CUL9: variants seen among roughly 807,000 people sequenced by gnomAD.
The protein encoded by CUL9 is cullin 9.
Under a neutral mutation model 272.6 loss-of-function variants are expected in CUL9, and 79 were observed. The observed-to-expected ratio is 0.29, with a 90% CI of 0.24 to 0.35. The LOEUF is 0.35. Ranked by LOEUF, CUL9 falls within the 10% of genes least tolerant of loss-of-function variation. CUL9 has a pLI of 1.00. For synonymous variants in CUL9, 1,186 were observed against 1,286.5 expected, an observed-to-expected ratio of 0.92 and a Z score of 1.67; for missense variants, 2,532 against 3,255.6, an observed-to-expected ratio of 0.78 and a Z score of 5.41.
In CUL9 at chr6:43,223,133, C is replaced by T. The variant is rs1355032653; in HGVS notation, c.7151-131C>T. The T allele has an allele frequency of 4.6e-6, 6 of 1,317,696 alleles. No individual in the cohort carries two copies. The African/African-American group carries it at 8.9e-5, about 20-fold the overall frequency. 81.6% of individuals were successfully genotyped at this position (1,317,696 alleles called of 1,614,324 possible). ...CTTGGTTTCTGGTCTTTACCCTGCT[C>T]CCCTAGGGAGCTTCATGAGAATGTC... is the stretch of plus-strand genomic sequence containing the variant. On this transcript the variant is annotated intron_variant, in intron 38 of 40. Transcript: ENST00000252050. This position sits in a 1 kb window ranked among gnomAD's most constrained non-coding sequence, Gnocchi z 4.1.
Position 43,221,221 on chromosome 6 carries a change from G to A in CUL9, c.6652G>A (p.Gly2218Ser), listed in dbSNP as rs753534704. The A allele has an allele frequency of 5.0e-6, 8 of 1,611,624 alleles. No homozygotes were observed. The highest frequency in any genetic ancestry group is 2.2e-5 in the South Asian group (2 of 91,074). ...GGTCGACGACGGTGGCTACTATGAC[G>A]GCATGAGCGTGGAGGCGCAGAGCAA... is the stretch of plus-strand genomic sequence containing the variant. The part of the protein sequence containing the change: ...QWVDDGGYYD[G>S]MSVEAQSKHL... The change falls in exon 34 of 41, where the codon GGC (glycine) becomes AGC (serine). Residue 2218 changes from glycine (G) to serine (S), a missense_variant. Around this residue, in one of 3 missense-constraint regions of CUL9, gnomAD observed 77 missense variants for 161.1 expected, o/e 0.48. Coordinates refer to ENST00000252050, the MANE Select transcript of CUL9 (RefSeq NM_015089.4). This position sits in a 1 kb window ranked among gnomAD's most constrained non-coding sequence, Gnocchi z 4.2.
rs1477394897 is a variant in CUL9, at chr6:43,200,355, T to C, written c.3385-81T>C. 9 of 1,610,286 alleles carry C rather than the reference T, an allele frequency of 5.6e-6. No homozygotes were observed. The highest frequency in any genetic ancestry group is 5.9e-6 in the Non-Finnish European group (7 of 1,176,892). ...TTGAGTATACCGTTGACCCTTGACT[T>C]TTTCTCTCTACCTGTTTCTGGGCAT... On this transcript the variant is annotated intron_variant, in intron 14 of 40. Coordinates refer to ENST00000252050, the MANE Select transcript of CUL9 (RefSeq NM_015089.4). This position sits in a 1 kb window ranked among gnomAD's most constrained non-coding sequence, Gnocchi z 4.0.
chr6:43,200,348 C>G lies in CUL9; in HGVS notation c.3385-88C>G, dbSNP rs1410060191. 7 of 1,606,576 alleles carry G rather than the reference C, an allele frequency of 4.4e-6. No homozygotes were observed. Among genetic ancestry groups the G allele is most frequent in the African/African-American group, 1.3e-5 (1 of 74,744 alleles). ...AGAGGAGTTGAGTATACCGTTGACC[C>G]TTGACTTTTTCTCTCTACCTGTTTC... On this transcript the variant is annotated intron_variant, in intron 14 of 40. Transcript: ENST00000252050. The surrounding 1 kb of genome is among the most constrained non-coding windows in gnomAD (Gnocchi z 4.0).
At chr6:43,188,479 G>A (rs1443032957) in intron 7 of CUL9, 44 bp from the exon 8 acceptor site, 2 of 1,527,610 alleles carry the variant, frequency 1.3e-6, no homozygotes, top group African/African-American at 1.4e-5. Context: ...TAACTTCAAG[G>A]TGCCACAGTT....
At position 43,204,781 on chromosome 6, in the gene CUL9, C is replaced by G; in HGVS notation, c.4373C>G (p.Pro1458Arg). The change falls in exon 22 of 41, where the codon CCG (proline) becomes CGG (arginine). Residue 1458 changes from proline (P) to arginine (R), a missense_variant. Physicochemically the swap from Pro to Arg is moderately radical, Grantham distance 103. Around this residue, in one of 3 missense-constraint regions of CUL9, gnomAD observed 2,218 missense variants for 2,788.6 expected, o/e 0.80. Coordinates refer to ENST00000252050, the MANE Select transcript of CUL9 (RefSeq NM_015089.4). ...SKNSKGRDRS[P>R]APSPVLPSSS... The stretch of plus-strand genomic sequence containing the variant: ...AACAGCAAGGGTCGGGACCGGAGCC[C>G]GGCGCCTTCGCCAGTGCTTCCAAGC... 1 of 1,614,222 alleles carries G rather than the reference C, an allele frequency of 6.2e-7. No individual in the cohort carries two copies. Among genetic ancestry groups the G allele is most frequent in the Non-Finnish European group, 8.5e-7 (1 of 1,180,036 alleles).
In CUL9 at chr6:43,220,351, T is replaced by G; in HGVS notation, c.6283-108T>G. The G allele has an allele frequency of 2.4e-6, 3 of 1,269,152 alleles. No homozygotes were observed. Among genetic ancestry groups the G allele is most frequent in the Non-Finnish European group, 3.3e-6 (3 of 896,308 alleles). The allele number at this position is 1,269,152 out of a possible 1,614,324, so 78.6% of individuals were successfully genotyped here. A position where few individuals can be genotyped will look rare whatever the true frequency, so the allele number is the denominator to read the frequency against. On this transcript the variant is annotated intron_variant, in intron 31 of 40. Transcript: ENST00000252050. This position sits in a 1 kb window ranked among gnomAD's most constrained non-coding sequence, Gnocchi z 4.9. ...GCAGGCTTGTTTCTGGCCTTCCACG[T>G]TGTAGTGGAGGGGAAGGGAAGGAGG...
rs773493403 is a variant in CUL9 at position 43,186,207 on chromosome 6, C to A, written c.1003C>A (p.Arg335=). The change falls in exon 4 of 41, where the codon CGG becomes AGG. Residue 335 remains arginine, a synonymous_variant. Coordinates refer to ENST00000252050, the MANE Select transcript of CUL9 (RefSeq NM_015089.4). ...EQGMSPPRPT[R]SIFQPYISGP... ...GGGCATGTCACCTCCCCGGCCAACCCGGTCCATCTTTCAGCCCTACATTTC... is the reference window on the plus strand; with the variant it reads ...GGGCATGTCACCTCCCCGGCCAACCAGGTCCATCTTTCAGCCCTACATTTC... The A allele has an allele frequency of 2.5e-6, 4 of 1,614,246 alleles. No homozygotes were observed. In the Admixed American group the frequency reaches 6.7e-5, roughly 27 times the overall value.
In CUL9 at chr6:43,184,072, C is replaced by T. The variant is rs919529780; in HGVS notation, c.-9-230C>T. Among the ~76,000 whole-genome samples the T allele has an allele frequency of 6.6e-6, 1 of 152,062 alleles. No homozygotes were observed. Among genetic ancestry groups the T allele is most frequent in the African/African-American group, 2.4e-5 (1 of 41,398 alleles). On this transcript the variant is annotated intron_variant, in intron 1 of 40. Coordinates refer to ENST00000252050, the MANE Select transcript of CUL9 (RefSeq NM_015089.4). This position sits in a 1 kb window ranked among gnomAD's most constrained non-coding sequence, Gnocchi z 4.8. ...AGCCAACTCTTCCATTTCTTAAACC[C>T]CTTCTTCATCCCCTCTCTGTCTTCA...
intron 6 of CUL9, 39 bp downstream of exon 6, chr6:43,187,478 G>T (rs1773034519): frequency 2.5e-6 from 4 of 1,590,982 alleles, no homozygotes; most frequent in African/African-American, 1.3e-5. Context: ...TTTCTAGTAG[G>T]GTTAGAGGTG....
rs1772886068 is a variant in CUL9, at chr6:43,186,099, G to A, written c.895G>A (p.Glu299Lys). The A allele has an allele frequency of 1.2e-6, 2 of 1,614,134 alleles. No homozygotes were observed. The highest frequency in any genetic ancestry group is 3.3e-5 in the Admixed American group (2 of 60,014). Residue 299 changes from glutamate to lysine, a missense_variant, in exon 4 of 41, where the codon GAA (glutamate) becomes AAA (lysine). Glu to Lys is a moderately conservative substitution (Grantham distance 56). Coordinates refer to ENST00000252050, the MANE Select transcript of CUL9 (RefSeq NM_015089.4). ...ATREKSRGQR[E>K]LEFSMAVGNL... Reference sequence around the variant, plus strand: ...AAGAGAGAAAAGCCGGGGACAGCGGGAACTGGAGTTCAGCATGGCTGTGGG... The same window carrying A: ...AAGAGAGAAAAGCCGGGGACAGCGGAAACTGGAGTTCAGCATGGCTGTGGG...
At chr6:43,197,579 G>A (rs1234762543) in intron 11 of CUL9, among the ~76,000 whole-genome samples, 1 of 151,744 alleles carries the variant, frequency 6.6e-6, no homozygotes, top group African/African-American at 2.4e-5. Context: ...CGCCTCCCGG[G>A]TTCAAGGAAT....
At chr6:43,211,391 C>T (rs998227464) in intron 26 of CUL9, among the ~76,000 whole-genome samples, 1 of 152,084 alleles carries the variant, frequency 6.6e-6, no homozygotes, top group Non-Finnish European at 1.5e-5. Context: ...AACCCTGTCT[C>T]TACTCAAAAT....
At position 43,202,736 on chromosome 6, in the gene CUL9, C is replaced by T; in HGVS notation, c.3668C>T (p.Ala1223Val). ...CCCAGGCAGCTCACTTTGCTGGTGG[C>T]CAGTGAGGACTCAAGCTACATGCCA... The part of the protein sequence containing the change: ...VLVRQLTLLV[A>V]SEDSSYMPAR... The change falls in exon 17 of 41, where the codon GCC becomes GTC. Residue 1223 changes from alanine (A) to valine (V), a missense_variant. Ala to Val is a moderately conservative substitution (Grantham distance 64). Coordinates refer to ENST00000252050, the MANE Select transcript of CUL9 (RefSeq NM_015089.4). 6.2e-7 allele frequency: 1 copy of T among 1,614,056 alleles called. No individual in the cohort carries two copies. The highest frequency in any genetic ancestry group is 8.5e-7 in the Non-Finnish European group (1 of 1,179,970).
In CUL9 at chr6:43,200,272, G is replaced by T; in HGVS notation, c.3384+116G>T. On this transcript the variant is annotated intron_variant, in intron 14 of 40. Transcript: ENST00000252050. This position sits in a 1 kb window ranked among gnomAD's most constrained non-coding sequence, Gnocchi z 4.0. ...TGGCACAGGTTGTAGCAAATCTGGG[G>T]CACTTGTTTCCTAACCTTGACTCCA... The T allele has an allele frequency of 6.9e-7, 1 of 1,446,308 alleles. No individual in the cohort carries two copies. Among genetic ancestry groups the T allele is most frequent in the Non-Finnish European group, 9.5e-7 (1 of 1,053,126 alleles). 89.6% of individuals were successfully genotyped at this position (1,446,308 alleles called of 1,614,324 possible).
chr6:43,213,785 A>G lies in CUL9; in HGVS notation c.5561A>G (p.Tyr1854Cys), dbSNP rs781689999. ...EALWLIPPQAYLNVEKDEGRT... is the reference protein window; with the variant it reads ...EALWLIPPQACLNVEKDEGRT... Reference sequence around the variant, plus strand: ...CTGTGGCTGATACCTCCCCAGGCATACCTGAACGTAGAGAAGGATGAAGGC... The same window carrying G: ...CTGTGGCTGATACCTCCCCAGGCATGCCTGAACGTAGAGAAGGATGAAGGC... The change falls in exon 29 of 41, where the codon TAC becomes TGC. Residue 1854 changes from tyrosine to cysteine, a missense_variant. Transcript: ENST00000252050. The surrounding 1 kb of genome is among the most constrained non-coding windows in gnomAD (Gnocchi z 5.7). 1 of 1,614,146 alleles carries G rather than the reference A, an allele frequency of 6.2e-7. No individual in the cohort carries two copies. The highest frequency in any genetic ancestry group is 1.1e-5 in the South Asian group (1 of 91,080).
intron 3 of CUL9, 123 bp from the exon 4 acceptor site, chr6:43,185,832 G>C: frequency 7.4e-7 from 1 of 1,355,540 alleles, no homozygotes; most frequent in Non-Finnish European, 1.0e-6. Context: ...ACAAATCAAA[G>C]TTTCAGAACT....
At chr6:43,192,300 A>G (rs1260866098) in intron 8 of CUL9, among the ~76,000 whole-genome samples, 1 of 152,116 alleles carries the variant, frequency 6.6e-6, no homozygotes, top group Non-Finnish European at 1.5e-5. Context: ...TACCTGCCTC[A>G]GCCTCTCAAA....
At position 43,196,829 on chromosome 6, in the gene CUL9, T is replaced by C. The variant is rs1252967632; in HGVS notation, c.2770T>C (p.Tyr924His). The C allele has an allele frequency of 4.3e-6, 7 of 1,614,146 alleles. No homozygotes were observed. Residue 924 changes from tyrosine (Y) to histidine (H), a missense_variant, in exon 11 of 41, where the codon TAC becomes CAC. By Grantham distance (83) the Tyr-to-His change is moderately conservative. Coordinates refer to ENST00000252050, the MANE Select transcript of CUL9 (RefSeq NM_015089.4). ...RTILMMLLNR[Y>H]SEPPGSPERA... The stretch of plus-strand genomic sequence containing the variant: ...CATCCTCATGATGCTTCTCAATCGC[T>C]ACTCAGAGCCGCCGGGCAGCCCTGA...
At position 43,220,435 on chromosome 6, in the gene CUL9, A is replaced by G. The variant is rs75187159; in HGVS notation, c.6283-24A>G. ...TGCTGCTCCCACACTGTCTGTGAGC[A>G]GCCCCTCCTTTTGTCCCTCCCAGTC... On this transcript the variant is annotated intron_variant, in intron 31 of 40. Coordinates refer to ENST00000252050, the MANE Select transcript of CUL9 (RefSeq NM_015089.4). This position sits in a 1 kb window ranked among gnomAD's most constrained non-coding sequence, Gnocchi z 4.9. 149,959 of 1,612,968 alleles carry G rather than the reference A, an allele frequency of 0.093. 7,631 individuals carry two copies. The highest frequency in any genetic ancestry group is 0.1 in the Non-Finnish European group (122,319 of 1,179,182).
Sources: allele counts gnomAD v4.1 joint callset (sites outside exome capture counted in the v4.1 genomes callset), GRCh38; gene constraint gnomAD v4.1.1; regional missense constraint gnomAD v4.1.1; non-coding constraint Gnocchi (gnomAD v3.1); transcripts MANE v1.5; gene names NCBI Gene and HGNC (gene_info 2026-07-23, HGNC 2026-07-21).